The following METTL15 variants were observed in gnomAD, a reference collection of about 807,000 sequenced individuals.
METTL15 encodes the protein 12S rRNA N(4)-cytidine methyltransferase METTL15.
A neutral mutation model predicts 38.3 loss-of-function variants in METTL15; 34 were observed. The ratio of observed to expected loss-of-function variants is 0.89; its 90% CI spans 0.68 to 1.18. The LOEUF (loss-of-function observed/expected upper bound fraction) is 1.18. Among genes scored for constraint, METTL15 ranks in the 50% most tolerant of loss-of-function variants. The pLI is 0.00. For missense variants in METTL15, 438 were observed against 498.4 expected (o/e 0.88, Z 1.15); for synonymous variants, 162 against 170.9 (o/e 0.95, Z 0.41).
intron 4 of METTL15, among the ~76,000 whole-genome samples, chr11:28,212,570 G>A (rs1311230254): frequency 1.3e-5 from 2 of 152,128 alleles, no homozygotes; most frequent in Non-Finnish European, 2.9e-5. Flanking sequence ...AAATGGTTCA[G>A]TATGTGCATA....
chr11:28,219,039 G>A (rs1007936126), intron 4 of METTL15, among the ~76,000 whole-genome samples: 1 of 152,080 alleles, frequency 6.6e-6, no homozygotes. Context: ...TTGTGTCTCT[G>A]CCCGGCTTTG....
rs532355867 is a variant in METTL15, at chr11:28,302,804, A to T, written c.778+5873A>T. 2.0e-4 allele frequency among the ~76,000 whole-genome samples: 30 copies of T among 152,292 alleles called. 1 individual carries two copies. The highest frequency in any genetic ancestry group is 3.4e-3 in the Middle Eastern group (1 of 294). On this transcript the variant is annotated intron_variant, in intron 6 of 6. Transcript: ENST00000407364. ...TACTTTATTCATCTTTGTAAGTTGAAATGATATTAATTCCCATCTTATTCT... is the reference window on the plus strand; with the variant it reads ...TACTTTATTCATCTTTGTAAGTTGATATGATATTAATTCCCATCTTATTCT...
At chr11:28,291,255 A>G (rs1474344316) in intron 5 of METTL15, among the ~76,000 whole-genome samples, 1 of 152,052 alleles carries the variant, frequency 6.6e-6, no homozygotes, top group African/African-American at 2.4e-5. Flanking sequence ...CATGTTGTCC[A>G]GGCTGATCTG....
intron 3 of METTL15, among the ~76,000 whole-genome samples, chr11:28,135,384 C>G (rs949803635): frequency 6.6e-6 from 1 of 152,150 alleles, no homozygotes; most frequent in Non-Finnish European, 1.5e-5. Context: ...TTTGTACCCT[C>G]AAATACCTAT....
chr11:28,352,472 TTA>T (rs1850050205), intron 4 of METTL15, among the ~76,000 whole-genome samples: 1 of 152,186 alleles, frequency 6.6e-6, no homozygotes, highest in African/African-American at 2.4e-5. Context: ...CAGCAAAGGC[TTA>T]GAAGTATCAT....
At chr11:28,285,475 C>T (rs1376092769) in intron 4 of METTL15, among the ~76,000 whole-genome samples, 1 of 151,930 alleles carries the variant, frequency 6.6e-6, no homozygotes, top group East Asian at 1.9e-4. Flanking sequence ...ATTGGACACC[C>T]CTGCTTTGGA....
At chr11:28,213,512 T>C in intron 4 of METTL15, among the ~76,000 whole-genome samples, 1 of 151,414 alleles carries the variant, frequency 6.6e-6, no homozygotes, top group Middle Eastern at 3.4e-3. Context: ...AAAATATAAA[T>C]TATTAAAACT....
chr11:28,291,265 G>A (rs1856503047), intron 5 of METTL15, among the ~76,000 whole-genome samples: 1 of 151,864 alleles, frequency 6.6e-6, no homozygotes. Context: ...AGGCTGATCT[G>A]GATCTCCTGA....
intron 2 of METTL15, among the ~76,000 whole-genome samples, chr11:28,112,324 C>G (rs1196534127): frequency 1.3e-5 from 2 of 152,058 alleles, no homozygotes; most frequent in Admixed American, 6.6e-5. Flanking sequence ...ATTTATTAAG[C>G]ACTGATGTGC....
chr11:28,446,487 C>T (rs940117166), intron 6 of METTL15, among the ~76,000 whole-genome samples: 5 of 152,026 alleles, frequency 3.3e-5, no homozygotes, highest in Admixed American at 3.3e-4. Flanking sequence ...TCATTCTGTA[C>T]AGAGAGTTAT....
At chr11:28,360,615 A>G (rs555425826) in intron 4 of METTL15, among the ~76,000 whole-genome samples, 25 of 152,128 alleles carry the variant, frequency 1.6e-4, no homozygotes, top group Non-Finnish European at 2.6e-4. Context: ...GAATCTAGGA[A>G]GCCTGACTTC....
chr11:28,224,828 G>A (rs1315346966), intron 4 of METTL15, among the ~76,000 whole-genome samples: 1 of 151,580 alleles, frequency 6.6e-6, no homozygotes, highest in Non-Finnish European at 1.5e-5. Flanking sequence ...ATACATTGGT[G>A]TTATCTTTTT....
At position 28,120,740 on chromosome 11, in the gene METTL15, C is replaced by G. The variant is rs181789244; in HGVS notation, c.270+7136C>G. Among the ~76,000 whole-genome samples the G allele has an allele frequency of 9.9e-4, 151 of 152,234 alleles. 1 individual carries two copies. The Middle Eastern group carries it at 0.031, about 31-fold the overall frequency. On this transcript the variant is annotated intron_variant, in intron 3 of 6. Transcript: ENST00000407364. ...CTTATACTTGCCCTTTTCCCTGTGA[C>G]TTGTTGGTCTGAGAACATCTTGTTC...
At chr11:28,374,826 T>C (rs1850287927) in intron 5 of METTL15, among the ~76,000 whole-genome samples, 1 of 150,644 alleles carries the variant, frequency 6.6e-6, no homozygotes, top group Non-Finnish European at 1.5e-5. Flanking sequence ...TCTTATTATT[T>C]TGAAATACGT....
At chr11:28,208,755 C>G (rs1852486173) in intron 3 of METTL15, among the ~76,000 whole-genome samples, 1 of 151,694 alleles carries the variant, frequency 6.6e-6, no homozygotes, top group Admixed American at 6.6e-5. Flanking sequence ...TTATTTGCAA[C>G]TCCTACAGAT....
chr11:28,263,197 A>G (rs938188194), intron 4 of METTL15, among the ~76,000 whole-genome samples: 2 of 152,156 alleles, frequency 1.3e-5, no homozygotes, highest in African/African-American at 4.8e-5. Flanking sequence ...TGAGCCTCCT[A>G]TTAGTAAGAA....
chr11:28,161,529 G>C (rs1435769196), intron 3 of METTL15, among the ~76,000 whole-genome samples: 3 of 152,114 alleles, frequency 2.0e-5, no homozygotes, highest in Non-Finnish European at 2.9e-5. Flanking sequence ...ACATTTATTA[G>C]TTTTTGATTT....
At chr11:28,425,909 C>G (rs143614254) in intron 6 of METTL15, among the ~76,000 whole-genome samples, 1 of 152,224 alleles carries the variant, frequency 6.6e-6, no homozygotes, top group African/African-American at 2.4e-5. Context: ...TCCAGCTTCA[C>G]TATTTGCACA....
chr11:28,162,673 C>T (rs1274270104), intron 3 of METTL15, among the ~76,000 whole-genome samples: 2 of 152,058 alleles, frequency 1.3e-5, no homozygotes, highest in African/African-American at 4.8e-5. Flanking sequence ...CTTATACGTG[C>T]TCTGGACTCT....
Sources: allele counts gnomAD v4.1 joint callset (sites outside exome capture counted in the v4.1 genomes callset), GRCh38; gene constraint gnomAD v4.1.1; transcripts MANE v1.5; gene names NCBI Gene and HGNC (gene_info 2026-07-23, HGNC 2026-07-21).